The following SLC13A1 variants were observed in gnomAD, a reference collection of about 807,000 sequenced individuals.
The protein encoded by SLC13A1 is solute carrier family 13 member 1.
A neutral mutation model predicts 70.0 loss-of-function variants in SLC13A1; 65 were observed. That is an observed-to-expected ratio of 0.93 (90% confidence interval 0.76 to 1.14). SLC13A1 has a LOEUF of 1.14. Ranked by LOEUF, SLC13A1 falls within the 50% of genes most tolerant of loss-of-function variation. The pLI is 0.00. For synonymous variants in SLC13A1, 275 were observed against 250.5 expected, an observed-to-expected ratio of 1.10 and a Z score of -0.92; for missense variants, 726 against 717.8, an observed-to-expected ratio of 1.01 and a Z score of -0.13.
chr7:123,196,108 A>G (rs1796168897), intron 1 of SLC13A1, among the ~76,000 whole-genome samples: 1 of 152,142 alleles, frequency 6.6e-6, no homozygotes, highest in Admixed American at 6.6e-5. Flanking sequence ...TACTGAAACT[A>G]TGTCAGTATA....
Position 123,117,518 on chromosome 7 carries a change from G to A in SLC13A1, c.1603C>T (p.Pro535Ser), listed in dbSNP as rs773590216. Residue 535 changes from proline to serine, a missense_variant, in exon 14 of 15, where the codon CCC becomes TCC. Coordinates refer to ENST00000194130, the MANE Select transcript of SLC13A1 (RefSeq NM_022444.4). ...CCATATGAAAAGACAATAGCATTGG[G>A]TGGATTTGCTACTGGTAGGAGGAAT... ...FAFLLPVANP[P>S]NAIVFSYGHL... is the part of the protein sequence containing the mutation. 1.2e-6 allele frequency: 2 copies of A among 1,613,388 alleles called. No homozygotes were observed. The highest frequency in any genetic ancestry group is 1.7e-6 in the Non-Finnish European group (2 of 1,179,514).
chr7:123,185,828 C>A (rs1795779558), intron 1 of SLC13A1, among the ~76,000 whole-genome samples: 1 of 152,066 alleles, frequency 6.6e-6, no homozygotes, highest in Non-Finnish European at 1.5e-5. Flanking sequence ...GGGTAGCCAT[C>A]TGCCCCAGTT....
chr7:123,175,583 G>T (rs1173875762), intron 2 of SLC13A1, among the ~76,000 whole-genome samples: 1 of 152,098 alleles, frequency 6.6e-6, no homozygotes, highest in African/African-American at 2.4e-5. Context: ...TGAGGATGCA[G>T]CAGCAAGATG....
chr7:123,187,250 T>G (rs1042272753), intron 1 of SLC13A1, among the ~76,000 whole-genome samples: 2 of 152,112 alleles, frequency 1.3e-5, no homozygotes, highest in Admixed American at 6.6e-5. Context: ...TAAGATTTCC[T>G]CACACTACCA....
At chr7:123,187,935 T>C (rs929705396) in intron 1 of SLC13A1, among the ~76,000 whole-genome samples, 1 of 152,204 alleles carries the variant, frequency 6.6e-6, no homozygotes, top group Non-Finnish European at 1.5e-5. Flanking sequence ...TCTTAGCTGG[T>C]GGAGAAAACT....
rs1794381426 is a variant in SLC13A1 at position 123,147,170 on chromosome 7, C to G, written c.801G>C (p.Glu267Asp). The G allele has an allele frequency of 1.9e-6, 3 of 1,613,516 alleles. No homozygotes were observed. In the East Asian group the frequency reaches 6.7e-5, roughly 36 times the overall value. ...ATAAGGTTACTTACGTATTGAAATA[C>G]TCTGCAAAGATCAAGTTGGTGGAGG... Reference protein sequence around the residue: ...TGTSTNLIFAEYFNTRYPDCR... With the variant: ...TGTSTNLIFADYFNTRYPDCR... The change falls in exon 7 of 15, where the codon GAG becomes GAC. Residue 267 changes from glutamate to aspartate, a missense_variant. Glu to Asp is a conservative substitution (Grantham distance 45). Coordinates refer to ENST00000194130, the MANE Select transcript of SLC13A1 (RefSeq NM_022444.4).
chr7:123,119,041 T>A, intron 13 of SLC13A1, 40 bp downstream of exon 13: 1 of 1,570,588 alleles, frequency 6.4e-7, no homozygotes, highest in South Asian at 1.1e-5. Context: ...AGAGTACTGC[T>A]CTTAATGAAG....
chr7:123,140,440 G>A (rs935682058), intron 7 of SLC13A1, among the ~76,000 whole-genome samples: 3 of 151,924 alleles, frequency 2.0e-5, no homozygotes, highest in African/African-American at 7.2e-5. Context: ...AGGTAATACT[G>A]GACTCATAGC....
intron 6 of SLC13A1, among the ~76,000 whole-genome samples, chr7:123,151,289 A>T (rs1794545738): frequency 6.6e-6 from 1 of 151,880 alleles, no homozygotes; most frequent in African/African-American, 2.4e-5. Context: ...GCATCACTGC[A>T]CTCCACACTC....
At chr7:123,167,521 A>G (rs1489437215) in intron 6 of SLC13A1, among the ~76,000 whole-genome samples, 1 of 152,182 alleles carries the variant, frequency 6.6e-6, no homozygotes, top group African/African-American at 2.4e-5. Flanking sequence ...ATGAAGAAAT[A>G]TATGTCCCAC....
chr7:123,167,857 T>G (rs142194456), intron 6 of SLC13A1, among the ~76,000 whole-genome samples: 39 of 152,046 alleles, frequency 2.6e-4, no homozygotes, highest in African/African-American at 8.2e-4. Flanking sequence ...CTGGAAGAAA[T>G]GACGACGATG....
intron 6 of SLC13A1, among the ~76,000 whole-genome samples, chr7:123,157,504 A>T (rs990730254): frequency 3.3e-5 from 5 of 152,236 alleles, no homozygotes; most frequent in African/African-American, 4.8e-5. Context: ...ATATTTACTT[A>T]AAAAATTTTA....
At position 123,125,111 on chromosome 7, in the gene SLC13A1, G is replaced by A. The variant is rs1048765103; in HGVS notation, c.1240+458C>T. Among the ~76,000 whole-genome samples, 5 of 152,200 alleles carry A rather than the reference G, an allele frequency of 3.3e-5. No individual in the cohort carries two copies. In the East Asian group the frequency reaches 7.7e-4, roughly 24 times the overall value. On this transcript the variant is annotated intron_variant, in intron 11 of 14. Coordinates refer to ENST00000194130, the MANE Select transcript of SLC13A1 (RefSeq NM_022444.4). ...TATTTCAGCTGTGATCCTAGGATATGGCTATGTGAGGTTTATTTAGCTTTT... is the reference window on the plus strand; with the variant it reads ...TATTTCAGCTGTGATCCTAGGATATAGCTATGTGAGGTTTATTTAGCTTTT...
intron 1 of SLC13A1, among the ~76,000 whole-genome samples, chr7:123,192,111 T>C (rs140945491): frequency 1.3e-5 from 2 of 152,266 alleles, no homozygotes; most frequent in African/African-American, 4.8e-5. Context: ...AGTGGGTGAA[T>C]GTGTTTACAA....
intron 10 of SLC13A1, 92 bp from the exon 11 acceptor site, chr7:123,125,767 G>T: frequency 2.4e-6 from 2 of 831,908 alleles, no homozygotes; most frequent in South Asian, 1.4e-5. Flanking sequence ...TCAGTAATAG[G>T]TTATTATCAG....
chr7:123,151,089 C>T (rs1226959754), intron 6 of SLC13A1, among the ~76,000 whole-genome samples: 4 of 151,838 alleles, frequency 2.6e-5, no homozygotes, highest in Admixed American at 1.3e-4. Context: ...TTTGGGAAGC[C>T]GAGGCAGGTG....
intron 1 of SLC13A1, among the ~76,000 whole-genome samples, chr7:123,189,574 A>C (rs917240048): frequency 5.9e-5 from 9 of 152,118 alleles, no homozygotes; most frequent in African/African-American, 2.2e-4. Context: ...AGTTATAAAA[A>C]TTTTATTCAG....
chr7:123,133,385 A>G (rs1793832989), intron 8 of SLC13A1, among the ~76,000 whole-genome samples: 1 of 151,728 alleles, frequency 6.6e-6, no homozygotes, highest in Admixed American at 6.6e-5. Flanking sequence ...AACCCAAGGA[A>G]ATCTCCACAT....
At chr7:123,135,677 A>G (rs1443131590) in intron 7 of SLC13A1, among the ~76,000 whole-genome samples, 1 of 151,978 alleles carries the variant, frequency 6.6e-6, no homozygotes, top group African/African-American at 2.4e-5. Context: ...TTCTTTTTCT[A>G]CTTTAAGATG....
Sources: allele counts gnomAD v4.1 joint callset (sites outside exome capture counted in the v4.1 genomes callset), GRCh38; gene constraint gnomAD v4.1.1; transcripts MANE v1.5; gene names NCBI Gene and HGNC (gene_info 2026-07-23, HGNC 2026-07-21).